The following SCN3B variants were observed in gnomAD, a reference collection of about 807,000 sequenced individuals.
SCN3B encodes sodium channel regulatory subunit beta-3.
In SCN3B, 11 loss-of-function variants were observed where a neutral mutation model predicts 25.4. The ratio of observed to expected loss-of-function variants is 0.43; its 90% confidence interval spans 0.27 to 0.72. The LOEUF (loss-of-function observed/expected upper bound fraction) is 0.72. Among genes scored for constraint, SCN3B ranks in the 30% least tolerant of loss-of-function variants. The pLI is 0.18. For synonymous variants in SCN3B, 109 were observed against 110.7 expected (o/e 0.99, Z 0.09); for missense variants, 218 against 278.3 (o/e 0.78, Z 1.54).
In SCN3B at chr11:123,631,723, G is replaced by T. The variant is rs2137228170; in HGVS notation, c.*2076C>A. 1 of 152,234 alleles carries T rather than the reference G, an allele frequency of 6.6e-6. No individual in the cohort carries two copies. The highest frequency in any genetic ancestry group is 2.1e-4 in the South Asian group (1 of 4,816). 9.4% of individuals were successfully genotyped at this position (152,234 alleles called of 1,614,324 possible). On this transcript the variant is annotated 3_prime_UTR_variant, in exon 7 of 7. Transcript: ENST00000299333. ...GCATGCCTGTAGTCCCAGTTACCTG[G>T]GGGCTGAGGTGGGAGGATTGCTTAA...
At chr11:123,634,714 G>C (rs1168038407) in intron 5 of SCN3B, among the ~76,000 whole-genome samples, 1 of 152,196 alleles carries the variant, frequency 6.6e-6, no homozygotes, top group Non-Finnish European at 1.5e-5. Context: ...CCTGGCAACA[G>C]TGAGACCATG....
chr11:123,647,013 T>C (rs957431028), intron 2 of SCN3B, among the ~76,000 whole-genome samples: 1 of 152,128 alleles, frequency 6.6e-6, no homozygotes, highest in Non-Finnish European at 1.5e-5. Flanking sequence ...TCTTCAAATA[T>C]TTGAAGGCTG....
chr11:123,644,798 AGAATATATATATATATATATAT>A (rs1487430184), intron 3 of SCN3B, among the ~76,000 whole-genome samples: 93 of 36,280 alleles, frequency 2.6e-3, no homozygotes, highest in Middle Eastern at 0.013. Flanking sequence ...AGAGAGAGAG[AGAATATATATATATATATATAT>A]ATATATATAT....
At chr11:123,640,147 GC>G (rs1385734194) in intron 4 of SCN3B, 1 of 152,256 alleles carries the variant, frequency 6.6e-6, no homozygotes, top group Non-Finnish European at 1.5e-5. Context: ...CATAGATGCA[GC>G]GTGAGGCACA....
intron 3 of SCN3B, among the ~76,000 whole-genome samples, chr11:123,643,921 C>T (rs191128480): frequency 5.9e-5 from 9 of 152,336 alleles, no homozygotes; most frequent in East Asian, 5.8e-4. Context: ...TAGTACCAGA[C>T]GGTTGCAAAT....
At chr11:123,651,226 G>T (rs1463658770) in intron 2 of SCN3B, among the ~76,000 whole-genome samples, 1 of 151,758 alleles carries the variant, frequency 6.6e-6, no homozygotes, top group Admixed American at 6.6e-5. Flanking sequence ...AAAGTAAATG[G>T]AAAGACTCTT....
chr11:123,631,158 G>A lies in SCN3B; in HGVS notation c.*2641C>T, dbSNP rs1169307088. ...AAGAGTGGGGAAGATAACCTGTCAA[G>A]GATAAATAAGTGATAGATACCATTC... On this transcript the variant is annotated 3_prime_UTR_variant, in exon 7 of 7. Transcript: ENST00000299333. 1 of 152,166 alleles carries A rather than the reference G, an allele frequency of 6.6e-6. No homozygotes were observed. Among genetic ancestry groups the A allele is most frequent in the African/African-American group, 2.4e-5 (1 of 41,436 alleles). The allele number at this position is 152,166 out of a possible 1,614,324, so 9.4% of individuals were successfully genotyped here. A position where few individuals can be genotyped will look rare whatever the true frequency, so the allele number is the denominator to read the frequency against.
intron 2 of SCN3B, among the ~76,000 whole-genome samples, chr11:123,648,077 G>T (rs1277034028): frequency 6.6e-6 from 1 of 152,238 alleles, no homozygotes; most frequent in African/African-American, 2.4e-5. Flanking sequence ...TTGTGAGTGG[G>T]CAGAGGGGTA....
At position 123,642,774 on chromosome 11, in the gene SCN3B, G is replaced by C; in HGVS notation, c.220-103C>G. ...AGAGAAAAGGAGCAGAATTGTGCAT[G>C]GACAGGGAAGAGAGGGGACAATGCC... is the stretch of plus-strand genomic sequence containing the variant. On this transcript the variant is annotated intron_variant, in intron 3 of 6. Coordinates refer to ENST00000299333, the MANE Select transcript of SCN3B (RefSeq NM_001040151.2). This position sits in a 1 kb window ranked among gnomAD's most constrained non-coding sequence, Gnocchi z 4.3. 1 of 872,432 alleles carries C rather than the reference G, an allele frequency of 1.1e-6. No individual in the cohort carries two copies. Among genetic ancestry groups the C allele is most frequent in the Non-Finnish European group, 1.9e-6 (1 of 536,704 alleles). 54.0% of individuals were successfully genotyped at this position (872,432 alleles called of 1,614,324 possible).
chr11:123,644,803 ATATATAT>A (rs1955833394), intron 3 of SCN3B, among the ~76,000 whole-genome samples: 6 of 23,886 alleles, frequency 2.5e-4, no homozygotes, highest in African/African-American at 8.1e-4. Flanking sequence ...GAGAGAGAAT[ATATATAT>A]ATATATATAT....
chr11:123,645,440 G>C, intron 3 of SCN3B, 147 bp downstream of exon 3: 1 of 892,278 alleles, frequency 1.1e-6, no homozygotes, highest in Non-Finnish European at 1.9e-6. Flanking sequence ...CTTCACTAAG[G>C]CTGTCAGTTA....
intron 1 of SCN3B, 32 bp downstream of exon 1, chr11:123,654,194 G>T (rs547303769): frequency 1.7e-4 from 60 of 344,142 alleles, no homozygotes; most frequent in Non-Finnish European, 3.0e-4. Flanking sequence ...TGGCCTAGCA[G>T]CCAGGCTGTG....
Position 123,653,910 on chromosome 11 carries a change from G to C in SCN3B, c.-25-84C>G, listed in dbSNP as rs964717502. 2.3e-6 allele frequency: 3 copies of C among 1,313,824 alleles called. No homozygotes were observed. In the African/African-American group the frequency reaches 4.4e-5, roughly 19 times the overall value. 81.4% of individuals were successfully genotyped at this position (1,313,824 alleles called of 1,614,324 possible). On this transcript the variant is annotated intron_variant, in intron 1 of 6. Transcript: ENST00000299333. ...CCCTTTGGGACGAACTGCCCCCAGG[G>C]GGCGACTTTCTGACCGAAGGAAGGG...
intron 2 of SCN3B, 150 bp from the exon 3 acceptor site, chr11:123,645,900 A>G (rs1565497249): frequency 5.3e-6 from 4 of 747,750 alleles, no homozygotes; most frequent in Non-Finnish European, 9.1e-6. Flanking sequence ...GCACATGTCT[A>G]CACCTTCACC....
At chr11:123,638,141 T>G in intron 5 of SCN3B, 45 bp downstream of exon 5, 2 of 1,611,654 alleles carry the variant, frequency 1.2e-6, no homozygotes, top group Non-Finnish European at 1.7e-6. Flanking sequence ...GCAAGCATTC[T>G]GAAGGTGCTA....
chr11:123,637,529 TTTA>T (rs1483535860), intron 5 of SCN3B, among the ~76,000 whole-genome samples: 1 of 152,036 alleles, frequency 6.6e-6, no homozygotes, highest in African/African-American at 2.4e-5. Flanking sequence ...TTTTTGGGCT[TTTA>T]TTGTTGTTGT....
intron 4 of SCN3B, chr11:123,638,837 G>T: frequency 5.1e-6 from 1 of 197,552 alleles, no homozygotes; most frequent in East Asian, 1.2e-4. Context: ...TTCCTGGGGA[G>T]AGAGCGTTGG....
intron 3 of SCN3B, among the ~76,000 whole-genome samples, chr11:123,644,328 A>T (rs749310207): frequency 2.0e-5 from 3 of 152,196 alleles, no homozygotes; most frequent in Non-Finnish European, 4.4e-5. Context: ...CACTTTAAAA[A>T]TGAGGAAACC....
intron 3 of SCN3B, among the ~76,000 whole-genome samples, chr11:123,644,800 A>AGAGAG (rs1272015067): frequency 3.7e-4 from 17 of 45,578 alleles, no homozygotes; most frequent in Middle Eastern, 0.014. Flanking sequence ...AGAGAGAGAG[A>AGAGAG]ATATATATAT....
Sources: gnomAD v4.1 joint callset for allele counts (sites outside exome capture counted in the v4.1 genomes callset) on GRCh38, gnomAD v4.1.1 for gene constraint, Gnocchi (gnomAD v3.1) non-coding constraint, MANE v1.5 for transcripts, NCBI Gene and HGNC (gene_info 2026-07-23, HGNC 2026-07-21) for gene names.